The following SMARCA2 variants were observed in gnomAD, a reference collection of about 807,000 sequenced individuals.
The protein encoded by SMARCA2 is SWI/SNF related BAF chromatin remodeling complex subunit ATPase 2, also known as SWI/SNF-related matrix-associated actin-dependent regulator of chromatin subfamily A member 2.
SMARCA2 carries 61 observed loss-of-function variants against 199.8 expected under a neutral mutation model. The observed-to-expected ratio is 0.31, with a 90% CI of 0.25 to 0.38. The LOEUF is 0.38. Ranked by LOEUF, SMARCA2 falls within the 10% of genes least tolerant of loss-of-function variation. The probability of loss-of-function intolerance (pLI) is 1.00; values close to 1 mark genes in which losing one functional copy is unlikely to be tolerated. For missense variants in SMARCA2, 1,344 were observed against 2,012.2 expected, an observed-to-expected ratio of 0.67 and a Z score of 6.35; for synonymous variants, 935 against 732.0, an observed-to-expected ratio of 1.28 and a Z score of -4.48.
At chr9:2,053,187 C>T (rs556404449) in intron 5 of SMARCA2, among the ~76,000 whole-genome samples, 13 of 152,094 alleles carry the variant, frequency 8.5e-5, no homozygotes, top group Non-Finnish European at 1.5e-4. Context: ...CATGAATACC[C>T]AGTGTTTAGC....
chr9:2,182,385 T>A, intron 31 of SMARCA2, 143 bp downstream of exon 31: 2 of 589,582 alleles, frequency 3.4e-6, no homozygotes, highest in Admixed American at 3.3e-5. Context: ...CCTTGCTACC[T>A]GTGTAAGAAA....
chr9:2,179,077 G>A (rs950761875), intron 29 of SMARCA2, among the ~76,000 whole-genome samples: 2 of 152,212 alleles, frequency 1.3e-5, no homozygotes, highest in African/African-American at 4.8e-5. Flanking sequence ...TACTTGGAGA[G>A]GAGAAAAAAC....
intron 29 of SMARCA2, among the ~76,000 whole-genome samples, chr9:2,172,577 A>T (rs1275525379): frequency 2.0e-5 from 3 of 152,142 alleles, no homozygotes; most frequent in Non-Finnish European, 4.4e-5. Context: ...GACAGCCTGG[A>T]TGAGGCTGGA....
At chr9:2,131,544 C>T (rs891071417) in intron 27 of SMARCA2, among the ~76,000 whole-genome samples, 7 of 152,184 alleles carry the variant, frequency 4.6e-5, no homozygotes, top group East Asian at 1.9e-4. Context: ...AGAACACCCT[C>T]CTTTTCCTTG....
At chr9:2,184,171 C>T (rs1044815553) in intron 31 of SMARCA2, among the ~76,000 whole-genome samples, 2 of 152,116 alleles carry the variant, frequency 1.3e-5, no homozygotes, top group Non-Finnish European at 2.9e-5. Context: ...TGCTACTCCT[C>T]AACCTAAACA....
intron 27 of SMARCA2, among the ~76,000 whole-genome samples, chr9:2,145,348 C>G (rs1313721997): frequency 6.7e-6 from 1 of 149,282 alleles, no homozygotes; most frequent in Non-Finnish European, 1.5e-5. Context: ...AACCCAAACA[C>G]TATAGAAAGG....
intron 27 of SMARCA2, chr9:2,160,002 C>T (rs1015013754): frequency 6.6e-7 from 1 of 1,521,386 alleles, no homozygotes. Flanking sequence ...CCGGTGTTCT[C>T]CGTATTTCTG....
intron 5 of SMARCA2, among the ~76,000 whole-genome samples, chr9:2,049,861 T>C (rs961582675): frequency 6.6e-6 from 1 of 152,244 alleles, no homozygotes; most frequent in Admixed American, 6.5e-5. Context: ...GCCTTTAGCA[T>C]TGATAACTGT....
rs889526099 is a variant in SMARCA2 at position 2,161,340 on chromosome 9, G to C, written c.3982-346G>C. On this transcript the variant is annotated intron_variant, in intron 27 of 33. Coordinates refer to ENST00000349721, the MANE Select transcript of SMARCA2 (RefSeq NM_003070.5). This position sits in a 1 kb window ranked among gnomAD's most constrained non-coding sequence, Gnocchi z 4.7. Reference sequence around the variant, plus strand: ...TCCCTTACAGTAATGAGAACATTAGGGTCTTGTTCTTAAACTGAGCTAAAA... The same window carrying C: ...TCCCTTACAGTAATGAGAACATTAGCGTCTTGTTCTTAAACTGAGCTAAAA... Among the ~76,000 whole-genome samples, 1 of 151,966 alleles carries C rather than the reference G, an allele frequency of 6.6e-6. No homozygotes were observed. Among genetic ancestry groups the C allele is most frequent in the African/African-American group, 2.4e-5 (1 of 41,352 alleles).
intron 27 of SMARCA2, among the ~76,000 whole-genome samples, chr9:2,127,745 GCCTCA>G (rs1823759888): frequency 6.6e-6 from 1 of 152,176 alleles, no homozygotes; most frequent in Non-Finnish European, 1.5e-5. Context: ...AGCCATCCCT[GCCTCA>G]GCACACTTAG....
intron 25 of SMARCA2, among the ~76,000 whole-genome samples, chr9:2,117,235 A>G (rs1823252919): frequency 6.6e-6 from 1 of 152,112 alleles, no homozygotes; most frequent in Non-Finnish European, 1.5e-5. Context: ...AAAGCTTGAT[A>G]TTTAAAGGTA....
At chr9:2,093,222 G>C (rs1391180470) in intron 19 of SMARCA2, among the ~76,000 whole-genome samples, 2 of 152,200 alleles carry the variant, frequency 1.3e-5, no homozygotes, top group African/African-American at 4.8e-5. Flanking sequence ...CATTCAGGTG[G>C]TTTAGGACGG....
intron 10 of SMARCA2, 54 bp downstream of exon 10, chr9:2,070,525 A>AC: frequency 1.6e-6 from 2 of 1,281,220 alleles, no homozygotes; most frequent in Non-Finnish European, 2.3e-6. Flanking sequence ...TCTGTGCCAT[A>AC]CCTGGCAGCA....
At chr9:2,035,053 T>TTTATTTAG (rs67210108) in intron 3 of SMARCA2, among the ~76,000 whole-genome samples, 1 of 150,954 alleles carries the variant, frequency 6.6e-6, no homozygotes, top group Non-Finnish European at 1.5e-5. Flanking sequence ...TATTTATTTA[T>TTTATTTAG]ATTTTTGAGG....
rs767961847 is a variant in SMARCA2, at chr9:2,161,906, G to C, written c.4199+3G>C. 4 of 1,611,368 alleles carry C rather than the reference G, an allele frequency of 2.5e-6. No individual in the cohort carries two copies. In the Admixed American group the frequency reaches 5.0e-5, roughly 20 times the overall value. ...ACTGTGATAAACTACAAAGATAGGT[G>C]AGTGTTTGGTTCCTTCACCTTGATC... On this transcript the variant is annotated splice_donor_region_variant and intron_variant, in intron 28 of 33. Coordinates refer to ENST00000349721, the MANE Select transcript of SMARCA2 (RefSeq NM_003070.5). The surrounding 1 kb of genome is among the most constrained non-coding windows in gnomAD (Gnocchi z 4.7).
rs759044964 is a variant in SMARCA2, at chr9:2,115,806, T to C, written c.3457-16T>C. The C allele has an allele frequency of 9.3e-6, 15 of 1,611,128 alleles. No homozygotes were observed. The highest frequency in any genetic ancestry group is 1.2e-5 in the Non-Finnish European group (14 of 1,177,860). ...CAGGCATCTCAGTCCTCATAGCATA[T>C]TGACCCCCCAAACAGGATCTGCAGG... On this transcript the variant is annotated splice_polypyrimidine_tract_variant and intron_variant, in intron 24 of 33. Coordinates refer to ENST00000349721, the MANE Select transcript of SMARCA2 (RefSeq NM_003070.5). The surrounding 1 kb of genome is among the most constrained non-coding windows in gnomAD (Gnocchi z 6.0).
At chr9:2,114,195 C>G (rs1251020112) in intron 24 of SMARCA2, among the ~76,000 whole-genome samples, 1 of 152,120 alleles carries the variant, frequency 6.6e-6, no homozygotes, top group Non-Finnish European at 1.5e-5. Flanking sequence ...GTTCTTTGTC[C>G]CCTTTGGATT....
Position 2,111,510 on chromosome 9 carries a change from AG to A in SMARCA2, c.3456+1094del, listed in dbSNP as rs1393498597. On this transcript the variant is annotated intron_variant, in intron 24 of 33. Transcript: ENST00000349721. ...GTGTCTCAAAAAAAAAAAAAAAAAA[AG>A]AAAAGCAAAAAGAAAATGGCAACTC... Among the ~76,000 whole-genome samples the A allele has an allele frequency of 2.5e-3, 380 of 149,134 alleles. 3 individuals are homozygous for A. The highest frequency in any genetic ancestry group is 0.019 in the South Asian group (90 of 4,652).
At chr9:2,128,481 A>T (rs888682324) in intron 27 of SMARCA2, among the ~76,000 whole-genome samples, 21 of 152,296 alleles carry the variant, frequency 1.4e-4, no homozygotes, top group African/African-American at 5.1e-4. Context: ...TGATTTCTCC[A>T]CACTGTGCTA....
Sources: gnomAD v4.1 joint callset for allele counts (sites outside exome capture counted in the v4.1 genomes callset) on GRCh38, gnomAD v4.1.1 for gene constraint, Gnocchi (gnomAD v3.1) non-coding constraint, MANE v1.5 for transcripts, NCBI Gene and HGNC (gene_info 2026-07-23, HGNC 2026-07-21) for gene names.